Variants in EP400 observed in about 807,000 individuals in gnomAD.
EP400 encodes the protein E1A-binding protein p400.
In EP400, 105 loss-of-function variants were observed where a neutral mutation model predicts 354.1. The observed-to-expected ratio is 0.30, with a 90% CI of 0.25 to 0.35. EP400 has a LOEUF of 0.35. Among genes scored for constraint, EP400 ranks in the 10% least tolerant of loss-of-function variants. The probability of loss-of-function intolerance (pLI) is 1.00; values close to 1 mark genes in which losing one functional copy is unlikely to be tolerated. For missense variants in EP400, 3,280 were observed against 4,121.0 expected, an observed-to-expected ratio of 0.80 and a Z score of 5.59; for synonymous variants, 1,646 against 1,716.9, an observed-to-expected ratio of 0.96 and a Z score of 1.02.
chr12:131,991,292 C>A, intron 9 of EP400, 115 bp from the exon 10 acceptor site: 2 of 960,944 alleles, frequency 2.1e-6, no homozygotes, highest in African/African-American at 1.6e-5. Flanking sequence ...AGAACTCACG[C>A]GTCCTTCCTT....
At chr12:131,984,293 T>C (rs1196215345) in intron 5 of EP400, among the ~76,000 whole-genome samples, 3 of 152,174 alleles carry the variant, frequency 2.0e-5, no homozygotes, top group African/African-American at 7.2e-5. Context: ...TCACCACTTG[T>C]GAGGTGTGGT....
intron 5 of EP400, 36 bp from the exon 6 acceptor site, chr12:131,986,478 T>C: frequency 6.5e-7 from 1 of 1,549,000 alleles, no homozygotes; most frequent in South Asian, 1.2e-5. Flanking sequence ...CGACATCTTT[T>C]CTTCACCTTG....
Position 132,018,185 on chromosome 12 carries a change from A to G in EP400, c.4111-25A>G, listed in dbSNP as rs756718230. 1 of 1,605,770 alleles carries G rather than the reference A, an allele frequency of 6.2e-7. No homozygotes were observed. The highest frequency in any genetic ancestry group is 1.7e-5 in the Admixed American group (1 of 57,234). On this transcript the variant is annotated intron_variant, in intron 20 of 52. Transcript: ENST00000389561. The surrounding 1 kb of genome is among the most constrained non-coding windows in gnomAD (Gnocchi z 4.0). ...GCTTTTTTTGCCTCTTCATGCAGCAAGACTTTTTTTCTTTTTCTCTCTAGG... is the reference window on the plus strand; with the variant it reads ...GCTTTTTTTGCCTCTTCATGCAGCAGGACTTTTTTTCTTTTTCTCTCTAGG...
At chr12:132,071,226 ACTCC>A (rs1896058333) in intron 51 of EP400, among the ~76,000 whole-genome samples, 1 of 143,890 alleles carries the variant, frequency 6.9e-6, no homozygotes, top group Non-Finnish European at 1.5e-5. Flanking sequence ...ATGTGTATGA[ACTCC>A]CTCCCTCCCT....
At chr12:131,978,153 A>G (rs1382189372) in intron 2 of EP400, among the ~76,000 whole-genome samples, 1 of 152,164 alleles carries the variant, frequency 6.6e-6, no homozygotes, top group Non-Finnish European at 1.5e-5. Flanking sequence ...TCCCATGTAA[A>G]CTTTTAAAAA....
intron 2 of EP400, among the ~76,000 whole-genome samples, chr12:131,966,813 A>G (rs1174290484): frequency 6.7e-6 from 1 of 148,946 alleles, no homozygotes; most frequent in African/African-American, 2.5e-5. Context: ...CTGAGGCAGG[A>G]GAATCACTTG....
At chr12:132,034,958 C>T (rs1345117408) in intron 30 of EP400, among the ~76,000 whole-genome samples, 1 of 152,144 alleles carries the variant, frequency 6.6e-6, no homozygotes, top group East Asian at 1.9e-4. Context: ...TGTACAGATA[C>T]GGTGAGCCCA....
chr12:132,033,976 C>A (rs960053451), intron 30 of EP400, among the ~76,000 whole-genome samples: 1 of 152,258 alleles, frequency 6.6e-6, no homozygotes, highest in Non-Finnish European at 1.5e-5. Context: ...AAACAAGGAT[C>A]CTGCAGAGGC....
chr12:131,986,383 C>G, intron 5 of EP400, 131 bp from the exon 6 acceptor site: 1 of 819,922 alleles, frequency 1.2e-6, no homozygotes, highest in South Asian at 1.7e-5. Context: ...TGTGATTTGT[C>G]TGCTTGCATC....
chr12:132,027,482 A>G lies in EP400; in HGVS notation c.5060A>G (p.Glu1687Gly), dbSNP rs750590271. 1 of 1,613,930 alleles carries G rather than the reference A, an allele frequency of 6.2e-7. No homozygotes were observed. Among genetic ancestry groups the G allele is most frequent in the Admixed American group, 1.7e-5 (1 of 60,006 alleles). The change falls in exon 26 of 53, where the codon GAA (glutamate) becomes GGA (glycine). Residue 1687 changes from glutamate (E) to glycine (G), a missense_variant. Transcript: ENST00000389561. The surrounding 1 kb of genome is among the most constrained non-coding windows in gnomAD (Gnocchi z 4.9). Reference protein sequence around the residue: ...RVAVNALAVGEPGTASKPASP... With the variant: ...RVAVNALAVGGPGTASKPASP... ...GCGGTGAATGCCTTGGCTGTAGGAG[A>G]ACCCGGAACGGCCTCCAAACCAGCT...
At chr12:132,033,823 C>G (rs947907977) in intron 30 of EP400, among the ~76,000 whole-genome samples, 1 of 152,184 alleles carries the variant, frequency 6.6e-6, no homozygotes, top group African/African-American at 2.4e-5. Flanking sequence ...TGAGTCACTG[C>G]ACCCGGCCAA....
At chr12:132,028,397 C>T (rs537701603) in intron 27 of EP400, 109 bp downstream of exon 27, 44 of 1,372,432 alleles carry the variant, frequency 3.2e-5, no homozygotes, top group Admixed American at 3.1e-4. Flanking sequence ...CTTCTCCCCA[C>T]GCTGTCCCTT....
chr12:131,999,513 A>G (rs951029214), intron 12 of EP400, among the ~76,000 whole-genome samples: 1 of 152,138 alleles, frequency 6.6e-6, no homozygotes, highest in African/African-American at 2.4e-5. Context: ...ATCTCAGCTC[A>G]CTGCAACCTC....
At position 132,013,004 on chromosome 12, in the gene EP400, T is replaced by C; in HGVS notation, c.3442-5T>C. The C allele has an allele frequency of 1.2e-6, 2 of 1,606,228 alleles. No individual in the cohort carries two copies. Among genetic ancestry groups the C allele is most frequent in the Admixed American group, 1.7e-5 (1 of 59,708 alleles). The stretch of plus-strand genomic sequence containing the variant: ...AGGCACTGAGCTGTCCTCTCTGTGC[T>C]GCAGGAGTGGGCCGAACCCAACAGC... On this transcript the variant is annotated splice_region_variant and splice_polypyrimidine_tract_variant and intron_variant, in intron 16 of 52. Coordinates refer to ENST00000389561, the MANE Select transcript of EP400 (RefSeq NM_015409.5). This position sits in a 1 kb window ranked among gnomAD's most constrained non-coding sequence, Gnocchi z 4.5.
chr12:132,001,055 G>A (rs777250438), intron 12 of EP400, among the ~76,000 whole-genome samples: 2 of 152,132 alleles, frequency 1.3e-5, no homozygotes, highest in South Asian at 4.1e-4. Context: ...TTGGTGTAGG[G>A]ACCAGCCCCA....
At chr12:131,951,217 T>C (rs1433791499) in intron 1 of EP400, among the ~76,000 whole-genome samples, 1 of 149,344 alleles carries the variant, frequency 6.7e-6, no homozygotes, top group East Asian at 2.0e-4. Context: ...GCCTGGCCAG[T>C]TTTTTGTGTG....
chr12:131,980,912 A>T (rs1457510490), intron 3 of EP400, among the ~76,000 whole-genome samples: 1 of 152,202 alleles, frequency 6.6e-6, no homozygotes, highest in African/African-American at 2.4e-5. Context: ...CAAAGCGCAG[A>T]TGTAGTTAAG....
In EP400 at chr12:132,013,361, A is replaced by G; in HGVS notation, c.3612-129A>G. On this transcript the variant is annotated intron_variant, in intron 17 of 52. Coordinates refer to ENST00000389561, the MANE Select transcript of EP400 (RefSeq NM_015409.5). This position sits in a 1 kb window ranked among gnomAD's most constrained non-coding sequence, Gnocchi z 4.5. Reference sequence around the variant, plus strand: ...CTGGGTCAGTGCAGCCCCCCTTTTCAGGCATGTGCACGTTGACATTTGCGG... The same window carrying G: ...CTGGGTCAGTGCAGCCCCCCTTTTCGGGCATGTGCACGTTGACATTTGCGG... The G allele has an allele frequency of 2.2e-6, 3 of 1,393,766 alleles. No homozygotes were observed. The highest frequency in any genetic ancestry group is 2.8e-5 in the South Asian group (2 of 70,952). 86.3% of individuals were successfully genotyped at this position (1,393,766 alleles called of 1,614,324 possible).
In EP400 at chr12:132,052,628, G is replaced by C. The variant is rs549998177; in HGVS notation, c.7395-518G>C. Among the ~76,000 whole-genome samples the C allele has an allele frequency of 2.0e-5, 3 of 152,334 alleles. No homozygotes were observed. In the South Asian group the frequency reaches 6.2e-4, roughly 32 times the overall value. ...TGTGATCGCTGGGACTCTAGCGTCT[G>C]GGAGCACAGACCCATCATTTGATTG... On this transcript the variant is annotated intron_variant, in intron 41 of 52. Coordinates refer to ENST00000389561, the MANE Select transcript of EP400 (RefSeq NM_015409.5). This position sits in a 1 kb window ranked among gnomAD's most constrained non-coding sequence, Gnocchi z 4.4.
Sources: allele counts gnomAD v4.1 joint callset (sites outside exome capture counted in the v4.1 genomes callset), GRCh38; gene constraint gnomAD v4.1.1; non-coding constraint Gnocchi (gnomAD v3.1); transcripts MANE v1.5; gene names NCBI Gene and HGNC (gene_info 2026-07-23, HGNC 2026-07-21).